NRAP: variants seen among roughly 807,000 people sequenced by gnomAD.
The protein encoded by NRAP is nebulin related anchoring protein.
NRAP carries 189 observed loss-of-function variants against 225.9 expected under a neutral mutation model. The observed-to-expected ratio is 0.84, with a 90% CI of 0.74 to 0.94. The LOEUF is 0.94. NRAP is among the 40% of genes least tolerant of loss of function. The probability of loss-of-function intolerance (pLI) is 0.00; values close to 1 mark genes in which losing one functional copy is unlikely to be tolerated. For missense variants in NRAP, 2,176 were observed against 2,168.7 expected (o/e 1.00, Z -0.07); for synonymous variants, 769 against 790.7 (o/e 0.97, Z 0.46).
At chr10:113,656,768 G>A (rs1850331887) in intron 4 of NRAP, among the ~76,000 whole-genome samples, 1 of 152,098 alleles carries the variant, frequency 6.6e-6, no homozygotes, top group Non-Finnish European at 1.5e-5. Flanking sequence ...AGAAAGATAT[G>A]GTTTTATTTG....
At chr10:113,595,414 C>CT (rs1160680517) in intron 38 of NRAP, among the ~76,000 whole-genome samples, 2 of 151,664 alleles carry the variant, frequency 1.3e-5, no homozygotes, top group African/African-American at 4.9e-5. Flanking sequence ...TTAGCTCAGC[C>CT]CATTACCATT....
At position 113,622,011 on chromosome 10, in the gene NRAP, TC is replaced by T. The variant is rs1206453895; in HGVS notation, c.2626del (p.Asp876ThrfsTer14). 2 of 1,614,220 alleles carry T rather than the reference TC, an allele frequency of 1.2e-6. No homozygotes were observed. The highest frequency in any genetic ancestry group is 1.7e-6 in the Non-Finnish European group (2 of 1,180,020). On this transcript the variant is annotated frameshift_variant, in exon 24 of 42. Transcript: ENST00000359988. LOFTEE classifies it high-confidence loss of function. ...DTKSQCHVSL[D>X]MVHLVHARKA... ...GCGGGCATGCACGAGGTGGACCATG[TC>T]CAGGGAGACGTGGCATTGGGATTTG...
At chr10:113,643,527 C>G (rs1849329787) in intron 11 of NRAP, among the ~76,000 whole-genome samples, 1 of 152,180 alleles carries the variant, frequency 6.6e-6, no homozygotes, top group South Asian at 2.1e-4. Context: ...CAATGCAATT[C>G]AACGAGGAAA....
chr10:113,646,862 C>T, intron 10 of NRAP, 61 bp downstream of exon 10: 1 of 1,122,514 alleles, frequency 8.9e-7, no homozygotes, highest in Non-Finnish European at 1.4e-6. Context: ...TCAGTAAGCA[C>T]AGCCTTCAAA....
At chr10:113,604,537 G>A (rs1433890104) in intron 35 of NRAP, 72 bp downstream of exon 35, 1 of 1,380,098 alleles carries the variant, frequency 7.2e-7, no homozygotes, top group Non-Finnish European at 1.0e-6. Flanking sequence ...GGAAGAAGCA[G>A]AGATTGACAC....
In NRAP at chr10:113,589,738, G is replaced by A. The variant is rs574003797; in HGVS notation, c.5016C>T (p.Ser1672=). 6.2e-7 allele frequency: 1 copy of A among 1,614,186 alleles called. No homozygotes were observed. The highest frequency in any genetic ancestry group is 1.3e-5 in the African/African-American group (1 of 75,052). The change falls in exon 41 of 42, where the codon TCC becomes TCT. Residue 1672 remains serine, a synonymous_variant. Coordinates refer to ENST00000359988, the MANE Select transcript of NRAP (RefSeq NM_198060.4). ...CCCGCCGAGCCATTTCCACTTTGTA[G>A]GAGCCAGGAGGGGTCCAGCCAACAC... ...TRGVGWTPPG[S]YKVEMARRAA...
At chr10:113,639,503 G>C (rs1049336017) in intron 14 of NRAP, among the ~76,000 whole-genome samples, 11 of 152,216 alleles carry the variant, frequency 7.2e-5, no homozygotes, top group African/African-American at 2.7e-4. Flanking sequence ...TGAATTATTT[G>C]TTAAATTATT....
intron 29 of NRAP, 103 bp from the exon 30 acceptor site, chr10:113,612,534 G>C: frequency 3.2e-6 from 3 of 939,046 alleles, no homozygotes; most frequent in East Asian, 5.2e-5. Flanking sequence ...GGTAAGCCCA[G>C]GGGAAGTTCT....
intron 32 of NRAP, 23 bp from the exon 33 acceptor site, chr10:113,606,305 T>C: frequency 7.1e-7 from 1 of 1,408,626 alleles, no homozygotes; most frequent in Non-Finnish European, 1.0e-6. Context: ...AATATAATAA[T>C]AATAATGCAA....
rs550278727 is a variant in NRAP, at chr10:113,605,747, T to C, written c.3915+15A>G. Reference sequence around the variant, plus strand: ...AGAAATTAGGCAAGATGGAAGGTCATATCATTCAACTCACATCACTGGCTA... The same window carrying C: ...AGAAATTAGGCAAGATGGAAGGTCACATCATTCAACTCACATCACTGGCTA... On this transcript the variant is annotated intron_variant, in intron 34 of 41. Coordinates refer to ENST00000359988, the MANE Select transcript of NRAP (RefSeq NM_198060.4). 18 of 1,523,164 alleles carry C rather than the reference T, an allele frequency of 1.2e-5. No individual in the cohort carries two copies. In the Middle Eastern group the frequency reaches 5.1e-4, roughly 43 times the overall value. The allele number at this position is 1,523,164 out of a possible 1,614,324, so 94.4% of individuals were successfully genotyped here. A position where few individuals can be genotyped will look rare whatever the true frequency, so the allele number is the denominator to read the frequency against.
At chr10:113,651,560 C>G (rs1420524862) in intron 7 of NRAP, among the ~76,000 whole-genome samples, 4 of 152,124 alleles carry the variant, frequency 2.6e-5, no homozygotes, top group Non-Finnish European at 5.9e-5. Context: ...TCTCATTGCT[C>G]AGCTCCCACT....
At chr10:113,656,788 A>G (rs1424591518) in intron 4 of NRAP, among the ~76,000 whole-genome samples, 1 of 152,218 alleles carries the variant, frequency 6.6e-6, no homozygotes, top group Non-Finnish European at 1.5e-5. Flanking sequence ...GCAAATCAAT[A>G]GAGAAAAGTC....
intron 25 of NRAP, among the ~76,000 whole-genome samples, chr10:113,617,813 T>C (rs1366593261): frequency 2.0e-5 from 3 of 152,220 alleles, no homozygotes; most frequent in Non-Finnish European, 4.4e-5. Context: ...AGTAAAATAC[T>C]GTAGGATACA....
At chr10:113,605,160 A>G (rs970546341) in intron 34 of NRAP, among the ~76,000 whole-genome samples, 2 of 152,160 alleles carry the variant, frequency 1.3e-5, no homozygotes, top group African/African-American at 4.8e-5. Flanking sequence ...TACATGTCCT[A>G]TGGCCAAAAG....
chr10:113,634,853 G>C (rs1848775269), intron 14 of NRAP, among the ~76,000 whole-genome samples: 1 of 152,162 alleles, frequency 6.6e-6, no homozygotes, highest in African/African-American at 2.4e-5. Flanking sequence ...GTCCAACCAA[G>C]TTATACATGC....
rs539307734 is a variant in NRAP, at chr10:113,652,571, G to A, written c.570+364C>T. 2.0e-5 allele frequency among the ~76,000 whole-genome samples: 3 copies of A among 151,522 alleles called. No individual in the cohort carries two copies. The South Asian group carries it at 6.3e-4, about 32-fold the overall frequency. ...AGGCAGGAGAATCACTTGAACCCAG[G>A]AGGCAGAGGTTGCAGTGAGCCAAGA... On this transcript the variant is annotated intron_variant, in intron 6 of 41. Coordinates refer to ENST00000359988, the MANE Select transcript of NRAP (RefSeq NM_198060.4).
In NRAP at chr10:113,624,775, C is replaced by T. The variant is rs1449151973; in HGVS notation, c.2349+51G>A. 5.3e-6 allele frequency: 7 copies of T among 1,313,444 alleles called. No homozygotes were observed. The South Asian group carries it at 7.3e-5, about 14-fold the overall frequency. 81.4% of individuals were successfully genotyped at this position (1,313,444 alleles called of 1,614,324 possible). ...CTGGTGGGCTTGGTTTACCAGGTGGCTATACACAAAGGGGAGCAGAGTTCT... is the reference window on the plus strand; with the variant it reads ...CTGGTGGGCTTGGTTTACCAGGTGGTTATACACAAAGGGGAGCAGAGTTCT... On this transcript the variant is annotated intron_variant, in intron 22 of 41. Transcript: ENST00000359988.
intron 12 of NRAP, among the ~76,000 whole-genome samples, chr10:113,642,505 A>G (rs1246833619): frequency 1.3e-5 from 2 of 152,126 alleles, no homozygotes; most frequent in South Asian, 4.2e-4. Context: ...CCTCTAGTAC[A>G]TATCTGTTCA....
chr10:113,654,294 G>A (rs1273266907), intron 4 of NRAP, among the ~76,000 whole-genome samples, 169 bp from the exon 5 acceptor site: 1 of 152,150 alleles, frequency 6.6e-6, no homozygotes, highest in Non-Finnish European at 1.5e-5. Flanking sequence ...AATGACCTAA[G>A]ATTCTAAATA....
Sources: gnomAD v4.1 joint callset for allele counts (sites outside exome capture counted in the v4.1 genomes callset) on GRCh38, gnomAD v4.1.1 for gene constraint, MANE v1.5 for transcripts, NCBI Gene and HGNC (gene_info 2026-07-23, HGNC 2026-07-21) for gene names.